CCDC57: variants seen among roughly 807,000 people sequenced by gnomAD.
CCDC57 encodes the protein coiled-coil domain-containing protein 57.
A neutral mutation model predicts 118.9 loss-of-function variants in CCDC57; 118 were observed. The observed-to-expected ratio is 0.99, with a 90% CI of 0.86 to 1.16. CCDC57 has a LOEUF of 1.16. Ranked by LOEUF, CCDC57 falls within the 50% of genes most tolerant of loss-of-function variation. The pLI, the probability that CCDC57 is intolerant of heterozygous loss-of-function variation, is 0.00. For missense variants in CCDC57, 1,300 were observed against 1,320.7 expected (o/e 0.98, Z 0.24); for synonymous variants, 527 against 532.9 (o/e 0.99, Z 0.15).
At chr17:82,138,674 C>T (rs934880125) in intron 16 of CCDC57, among the ~76,000 whole-genome samples, 2 of 151,160 alleles carry the variant, frequency 1.3e-5, no homozygotes, top group Non-Finnish European at 1.5e-5. Context: ...TCGGAAGAGA[C>T]GCGTGGCCTG....
At chr17:82,164,887 C>A (rs545201141) in intron 13 of CCDC57, among the ~76,000 whole-genome samples, 4 of 152,212 alleles carry the variant, frequency 2.6e-5, no homozygotes, top group East Asian at 1.9e-4. Context: ...TTTTAGAAAA[C>A]GGAAAAATAG....
intron 19 of CCDC57, among the ~76,000 whole-genome samples, chr17:82,104,515 C>T (rs1032249285): frequency 5.3e-5 from 8 of 152,166 alleles, no homozygotes. Flanking sequence ...CAGGCGGCTG[C>T]ACCATACTTG....
intron 19 of CCDC57, chr17:82,104,976 C>A (rs75415306): frequency 0.02 from 3,020 of 152,410 alleles, 114 homozygotes; most frequent in African/African-American, 0.07. Flanking sequence ...CCCCAGCTTT[C>A]TGGCCACCCT....
At chr17:82,204,531 C>T (rs1332107121) in intron 2 of CCDC57, among the ~76,000 whole-genome samples, 1 of 152,158 alleles carries the variant, frequency 6.6e-6, no homozygotes, top group Non-Finnish European at 1.5e-5. Context: ...TGCCTGTAAT[C>T]CCAGGACTTT....
chr17:82,183,984 T>A, intron 8 of CCDC57, 52 bp from the exon 8 acceptor site: 1 of 1,518,054 alleles, frequency 6.6e-7, no homozygotes. Context: ...ACTAAAGTTG[T>A]CTCTTACACA....
Position 82,118,922 on chromosome 17 carries a change from C to T in CCDC57, c.2899+8770G>A. Reference sequence around the variant, plus strand: ...GTATTTTCGTGGTTTGCCTTGGAGTCCCTCCCTCGCCCTGGAATGCCTGGT... The same window carrying T: ...GTATTTTCGTGGTTTGCCTTGGAGTTCCTCCCTCGCCCTGGAATGCCTGGT... On this transcript the variant is annotated intron_variant, in intron 19 of 19. Coordinates refer to ENST00000665763, the Ensembl canonical transcript of CCDC57. The surrounding 1 kb of genome is among the most constrained non-coding windows in gnomAD (Gnocchi z 4.7). Among the ~76,000 whole-genome samples, 1 of 151,524 alleles carries T rather than the reference C, an allele frequency of 6.6e-6. No homozygotes were observed. The highest frequency in any genetic ancestry group is 1.9e-4 in the East Asian group (1 of 5,176).
chr17:82,145,026 CTTT>C (rs63184860), intron 16 of CCDC57, among the ~76,000 whole-genome samples: 4 of 120,264 alleles, frequency 3.3e-5, no homozygotes, highest in Non-Finnish European at 5.1e-5. Flanking sequence ...TTTTTTTTTT[CTTT>C]TTTTTTTTTT....
intron 3 of CCDC57, 82 bp downstream of exon 2, chr17:82,201,456 C>T (rs959231497): frequency 2.8e-6 from 4 of 1,436,156 alleles, no homozygotes; most frequent in Non-Finnish European, 2.8e-6. Context: ...GTGGGCAGTG[C>T]TCGGGCAGCA....
In CCDC57 at chr17:82,198,295, G is replaced by A. The variant is rs1459286603; in HGVS notation, c.516+19C>T. ...AGGCAGGGAAAGCACCCAGGAAGGGGCCGACCCAGAGGCTCTACCTGTCTC... is the reference window on the plus strand; with the variant it reads ...AGGCAGGGAAAGCACCCAGGAAGGGACCGACCCAGAGGCTCTACCTGTCTC... On this transcript the variant is annotated intron_variant, in intron 4 of 19. Transcript: ENST00000665763. The A allele has an allele frequency of 3.2e-6, 5 of 1,539,690 alleles. No homozygotes were observed. In the African/African-American group the frequency reaches 6.9e-5, roughly 21 times the overall value.
chr17:82,122,105 C>G (rs1172711636), intron 19 of CCDC57, among the ~76,000 whole-genome samples: 1 of 152,210 alleles, frequency 6.6e-6, no homozygotes, highest in Admixed American at 6.5e-5. Context: ...GGATCTGCTT[C>G]CTGAGGCGCC....
chr17:82,175,271 C>A (rs1233156511), intron 11 of CCDC57, among the ~76,000 whole-genome samples: 1 of 152,226 alleles, frequency 6.6e-6, no homozygotes, highest in African/African-American at 2.4e-5. Flanking sequence ...ATACCGAGTG[C>A]CCAGAGGCTT....
chr17:82,126,317 A>C, intron 19 of CCDC57: 2 of 791,074 alleles, frequency 2.5e-6, no homozygotes, highest in Non-Finnish European at 3.1e-6. Flanking sequence ...GATAAAAAAC[A>C]AGGACATTAA....
At chr17:82,128,395 G>A in intron 18 of CCDC57, 98 bp downstream of exon 17, 1 of 772,296 alleles carries the variant, frequency 1.3e-6, no homozygotes, top group Non-Finnish European at 2.1e-6. Context: ...GGCATGCAGA[G>A]CGAAGGCCCC....
exon 15 of CCDC57, chr17:82,157,779 G>A (rs2042855838): frequency 2.5e-6 from 4 of 1,604,414 alleles, no homozygotes; most frequent in East Asian, 2.2e-5. Flanking sequence ...GTCCGAGGCT[G>A]GGGGCTGCTT....
chr17:82,183,139 A>G (rs1215783555), intron 9 of CCDC57, among the ~76,000 whole-genome samples: 2 of 152,276 alleles, frequency 1.3e-5, no homozygotes, highest in African/African-American at 2.4e-5. Flanking sequence ...ACATAGAGCC[A>G]AATGATATCA....
At chr17:82,127,942 T>G in intron 18 of CCDC57, 34 bp from the exon 18 acceptor site, 1 of 1,606,536 alleles carries the variant, frequency 6.2e-7, no homozygotes, top group East Asian at 2.2e-5. Context: ...AAAGCCACCC[T>G]CTCCAACCCA....
In CCDC57 at chr17:82,147,279, T is replaced by C. The variant is rs148876748; in HGVS notation, c.2455+4281A>G. The stretch of plus-strand genomic sequence containing the variant: ...ATGAATGGATGGGTGGATGCAAAGA[T>C]AGATGAATGGATGGATGAATGGGTG... On this transcript the variant is annotated intron_variant, in intron 16 of 19. Coordinates refer to ENST00000665763, the Ensembl canonical transcript of CCDC57. 6.0e-3 allele frequency among the ~76,000 whole-genome samples: 700 copies of C among 116,406 alleles called. 4 individuals are homozygous for C. The highest frequency in any genetic ancestry group is 0.024 in the Middle Eastern group (3 of 126). 76.4% of individuals were successfully genotyped at this position (116,406 alleles called of 152,430 possible). A position where few individuals can be genotyped will look rare whatever the true frequency, so the allele number is the denominator to read the frequency against.
At chr17:82,193,787 T>C (rs752032439) in exon 7 of CCDC57, 2 of 1,601,826 alleles carry the variant, frequency 1.2e-6, no homozygotes, top group East Asian at 2.2e-5. Context: ...TCCTTCTTCC[T>C]GGTTAGCTGC....
chr17:82,117,893 C>G (rs956333108), intron 19 of CCDC57, among the ~76,000 whole-genome samples: 2 of 152,150 alleles, frequency 1.3e-5, no homozygotes, highest in African/African-American at 2.4e-5. Context: ...CTACCTTTGA[C>G]CAGCTATTTC....
Sources: allele counts gnomAD v4.1 joint callset (sites outside exome capture counted in the v4.1 genomes callset), GRCh38; gene constraint gnomAD v4.1.1; non-coding constraint Gnocchi (gnomAD v3.1); transcripts MANE v1.5; gene names NCBI Gene and HGNC (gene_info 2026-07-23, HGNC 2026-07-21).